Variants in KLK9 observed in about 807,000 individuals in gnomAD.
The protein encoded by KLK9 is kallikrein related peptidase 9.
In KLK9, 26 loss-of-function variants were observed where a neutral mutation model predicts 23.3. The ratio of observed to expected loss-of-function variants is 1.12; its 90% CI spans 0.82 to 1.55. KLK9 has a LOEUF of 1.55. KLK9 is among the 40% of genes most tolerant of loss of function. KLK9 has a pLI of 0.00. For missense variants in KLK9, 346 were observed against 333.7 expected (o/e 1.04, Z -0.29); for synonymous variants, 122 against 128.5 (o/e 0.95, Z 0.34).
chr19:51,005,963 A>T (rs979967809), intron 3 of KLK9, among the ~76,000 whole-genome samples: 4 of 150,926 alleles, frequency 2.7e-5, no homozygotes, highest in Non-Finnish European at 4.4e-5. Context: ...TAAATAATAA[A>T]AAAATGACCC....
At position 51,003,755 on chromosome 19, in the gene KLK9, C is replaced by T. The variant is rs147491832; in HGVS notation, c.552G>A (p.Ser184=). Residue 184 remains serine (S), a synonymous_variant, in exon 4 of 5, where the codon TCG becomes TCA. Transcript: ENST00000594211. ...ACAGGCCCGCACAGAGCATGCTGTC[C>T]GAGATGTGTCCAGGGTATGCCCAGT... ...LCHWAYPGHI[S]DSMLCAGLWE... is the part of the protein sequence containing the mutation. 172 of 1,613,116 alleles carry T rather than the reference C, an allele frequency of 1.1e-4. No individual in the cohort carries two copies. The highest frequency in any genetic ancestry group is 1.6e-4 in the Middle Eastern group (1 of 6,080).
Position 51,003,003 on chromosome 19 carries a change from C to T in KLK9, c.*108G>A, listed in dbSNP as rs2091239712. 3 of 1,347,560 alleles carry T rather than the reference C, an allele frequency of 2.2e-6. No homozygotes were observed. The Admixed American group carries it at 6.7e-5, about 30-fold the overall frequency. 83.5% of individuals were successfully genotyped at this position (1,347,560 alleles called of 1,614,324 possible). On this transcript the variant is annotated 3_prime_UTR_variant, in exon 5 of 5. Transcript: ENST00000594211. Reference sequence around the variant, plus strand: ...AGTGTCCAGAGGGGAGTCAGGGCAGCTGGAGGTCCAGGGCGGGAACCATTG... The same window carrying T: ...AGTGTCCAGAGGGGAGTCAGGGCAGTTGGAGGTCCAGGGCGGGAACCATTG...
chr19:51,005,728 A>T (rs113915632), intron 3 of KLK9, among the ~76,000 whole-genome samples: 1 of 151,230 alleles, frequency 6.6e-6, no homozygotes, highest in Non-Finnish European at 1.5e-5. Flanking sequence ...GGATCAAAAA[A>T]CTCCAGGATT....
chr19:51,002,945 C>T lies in KLK9; in HGVS notation c.*166G>A, dbSNP rs2091239314. 7.4e-6 allele frequency: 6 copies of T among 810,868 alleles called. No individual in the cohort carries two copies. The South Asian group carries it at 1.0e-4, about 14-fold the overall frequency. The allele number at this position is 810,868 out of a possible 1,614,324, so 50.2% of individuals were successfully genotyped here. On this transcript the variant is annotated 3_prime_UTR_variant, in exon 5 of 5. Coordinates refer to ENST00000594211, the MANE Select transcript of KLK9 (RefSeq NM_012315.2). ...GGCGCGACTGTGTCTTGCTTGACCT[C>T]GTGAGGGGGCGGAGCCTCAGGGGCG... is the stretch of plus-strand genomic sequence containing the variant.
chr19:51,004,394 A>G (rs2569468), intron 3 of KLK9, among the ~76,000 whole-genome samples: 1 of 148,386 alleles, frequency 6.7e-6, no homozygotes, highest in Admixed American at 6.7e-5. Flanking sequence ...AGGAAGAGAA[A>G]CAGAAAGATG....
chr19:51,007,849 T>C (rs1469434364), intron 2 of KLK9, among the ~76,000 whole-genome samples: 1 of 152,136 alleles, frequency 6.6e-6, no homozygotes. Context: ...CCTAAGATTC[T>C]AGAATTCTCA....
intron 3 of KLK9, among the ~76,000 whole-genome samples, chr19:51,005,546 A>G (rs1568558842): frequency 6.6e-6 from 1 of 152,088 alleles, no homozygotes; most frequent in Non-Finnish European, 1.5e-5. Context: ...TTTCAGAGGC[A>G]ATGGAGAGAG....
intron 3 of KLK9, among the ~76,000 whole-genome samples, chr19:51,005,849 C>G (rs917098102): frequency 6.6e-6 from 1 of 150,976 alleles, no homozygotes; most frequent in Non-Finnish European, 1.5e-5. Flanking sequence ...GAGTCCAAGG[C>G]GGGCAGATCA....
chr19:51,009,076 G>A lies in KLK9; in HGVS notation c.200+107C>T. ...CTTCCTACTTCTAAGAGTTGAACTT[G>A]TGGTATCAGAAGTGGAGGCTCCGCA... On this transcript the variant is annotated intron_variant, in intron 2 of 4. Transcript: ENST00000594211. This position sits in a 1 kb window ranked among gnomAD's most constrained non-coding sequence, Gnocchi z 4.8. The A allele has an allele frequency of 8.0e-7, 1 of 1,243,556 alleles. No individual in the cohort carries two copies. The highest frequency in any genetic ancestry group is 1.1e-6 in the Non-Finnish European group (1 of 917,208). 77.0% of individuals were successfully genotyped at this position (1,243,556 alleles called of 1,614,324 possible). A position where few individuals can be genotyped will look rare whatever the true frequency, so the allele number is the denominator to read the frequency against.
intron 3 of KLK9, among the ~76,000 whole-genome samples, chr19:51,005,903 C>T (rs1051245044): frequency 6.0e-5 from 9 of 150,354 alleles, no homozygotes; most frequent in East Asian, 3.9e-4. Flanking sequence ...ATGGTGAAAC[C>T]TCTGTCTCTA....
chr19:51,003,011 C>G lies in KLK9; in HGVS notation c.*100G>C, dbSNP rs538998737. On this transcript the variant is annotated 3_prime_UTR_variant, in exon 5 of 5. Coordinates refer to ENST00000594211, the MANE Select transcript of KLK9 (RefSeq NM_012315.2). Reference sequence around the variant, plus strand: ...GAGGGGAGTCAGGGCAGCTGGAGGTCCAGGGCGGGAACCATTGAGGCTGGG... The same window carrying G: ...GAGGGGAGTCAGGGCAGCTGGAGGTGCAGGGCGGGAACCATTGAGGCTGGG... 7.1e-7 allele frequency: 1 copy of G among 1,402,920 alleles called. No homozygotes were observed. The highest frequency in any genetic ancestry group is 9.6e-7 in the Non-Finnish European group (1 of 1,046,700). The allele number at this position is 1,402,920 out of a possible 1,614,324, so 86.9% of individuals were successfully genotyped here.
chr19:51,005,696 T>C (rs2091252589), intron 3 of KLK9, among the ~76,000 whole-genome samples: 1 of 151,756 alleles, frequency 6.6e-6, no homozygotes, highest in African/African-American at 2.4e-5. Flanking sequence ...GAATCCAAGA[T>C]TCTAACATTC....
rs373372757 is a variant in KLK9 at position 51,006,356 on chromosome 19, CAG to C, written c.466+100_466+101del. 504 of 1,125,518 alleles carry C rather than the reference CAG, an allele frequency of 4.5e-4. No individual in the cohort carries two copies. Among genetic ancestry groups the C allele is most frequent in the South Asian group, 5.5e-4 (32 of 58,622 alleles). The allele number at this position is 1,125,518 out of a possible 1,614,324, so 69.7% of individuals were successfully genotyped here. ...ATCGATTGGCAGATAGATAGACTGA[CAG>C]AGAGAGAGAGGAGAGAGAAAAGGAG... On this transcript the variant is annotated intron_variant, in intron 3 of 4. Coordinates refer to ENST00000594211, the MANE Select transcript of KLK9 (RefSeq NM_012315.2). The surrounding 1 kb of genome is among the most constrained non-coding windows in gnomAD (Gnocchi z 4.1).
In KLK9 at chr19:51,006,448, C is replaced by G; in HGVS notation, c.466+10G>C. ...GCAAGTTTCAGAGAGAGTTCTGGGC[C>G]AGGTCATACCCTTGGGGCTGGACAC... On this transcript the variant is annotated intron_variant, in intron 3 of 4. Transcript: ENST00000594211. The surrounding 1 kb of genome is among the most constrained non-coding windows in gnomAD (Gnocchi z 4.1). The G allele has an allele frequency of 6.3e-7, 1 of 1,598,174 alleles. No individual in the cohort carries two copies. The highest frequency in any genetic ancestry group is 1.1e-5 in the South Asian group (1 of 89,576).
At position 51,003,103 on chromosome 19, in the gene KLK9, G is replaced by T. The variant is rs771038044; in HGVS notation, c.*8C>A. ...TGGTCTTCCAAGGTGCCCCCGTGGC[G>T]CGCGGGCTCAGTTCTCCATGATTTC... On this transcript the variant is annotated 3_prime_UTR_variant, in exon 5 of 5. Coordinates refer to ENST00000594211, the MANE Select transcript of KLK9 (RefSeq NM_012315.2). 1 of 1,602,882 alleles carries T rather than the reference G, an allele frequency of 6.2e-7. No homozygotes were observed. The highest frequency in any genetic ancestry group is 8.5e-7 in the Non-Finnish European group (1 of 1,173,810).
At chr19:51,007,570 A>C (rs2091260568) in intron 2 of KLK9, among the ~76,000 whole-genome samples, 1 of 151,232 alleles carries the variant, frequency 6.6e-6, no homozygotes, top group African/African-American at 2.4e-5. Flanking sequence ...ACTCTCTTCC[A>C]CCTTCATATC....
chr19:51,006,697 T>A lies in KLK9; in HGVS notation c.227A>T (p.His76Leu). Residue 76 changes from histidine (H) to leucine (L), a missense_variant, in exon 3 of 5, where the codon CAC (histidine) becomes CTC (leucine). By Grantham distance (99) the His-to-Leu change is moderately conservative. Transcript: ENST00000594211. This position sits in a 1 kb window ranked among gnomAD's most constrained non-coding sequence, Gnocchi z 4.1. ...CGGACCCTCCCATTTCCAGAGGTGG[T>A]GCTCTCCAAGGCGGACCCACAGATA... is the stretch of plus-strand genomic sequence containing the variant. The part of the protein sequence containing the change: ...KPYLWVRLGE[H>L]HLWKWEGPEQ... 1.9e-6 allele frequency: 3 copies of A among 1,603,098 alleles called. No homozygotes were observed. Among genetic ancestry groups the A allele is most frequent in the Non-Finnish European group, 2.6e-6 (3 of 1,174,220 alleles).
intron 2 of KLK9, among the ~76,000 whole-genome samples, chr19:51,007,913 A>C (rs899447471): frequency 6.6e-6 from 1 of 152,168 alleles, no homozygotes; most frequent in Admixed American, 6.5e-5. Context: ...CAAGGTTTAG[A>C]GTTTTATGAA....
chr19:51,007,303 A>C (rs1161545888), intron 2 of KLK9, among the ~76,000 whole-genome samples: 2 of 151,674 alleles, frequency 1.3e-5, no homozygotes, highest in Non-Finnish European at 2.9e-5. Flanking sequence ...TTAAGCCCTC[A>C]CCACAGTCTC....
Sources: gnomAD v4.1 joint callset for allele counts (sites outside exome capture counted in the v4.1 genomes callset) on GRCh38, gnomAD v4.1.1 for gene constraint, Gnocchi (gnomAD v3.1) non-coding constraint, MANE v1.5 for transcripts, NCBI Gene and HGNC (gene_info 2026-07-23, HGNC 2026-07-21) for gene names.